The following UROS variants were observed in gnomAD, a reference collection of about 807,000 sequenced individuals.
UROS encodes the protein uroporphyrinogen III synthase, also known as uroporphyrinogen-III synthase.
In UROS, 18 loss-of-function variants were observed where a neutral mutation model predicts 33.0. That is an observed-to-expected ratio of 0.55 (90% confidence interval 0.38 to 0.81). UROS has a LOEUF of 0.81. Ranked by LOEUF, UROS falls within the 30% of genes least tolerant of loss-of-function variation. The pLI is 0.00. For missense variants in UROS, 293 were observed against 314.9 expected, an observed-to-expected ratio of 0.93 and a Z score of 0.53; for synonymous variants, 114 against 121.1, an observed-to-expected ratio of 0.94 and a Z score of 0.38.
At chr10:125,810,918 T>C (rs544490880) in intron 5 of UROS, among the ~76,000 whole-genome samples, 1 of 152,362 alleles carries the variant, frequency 6.6e-6, no homozygotes, top group African/African-American at 2.4e-5. Context: ...CCTTTGATAA[T>C]ATGTTCCCTG....
intron 7 of UROS, 40 bp from the exon 8 acceptor site, chr10:125,796,228 G>A (rs764074565): frequency 3.2e-6 from 5 of 1,582,642 alleles, no homozygotes; most frequent in Non-Finnish European, 4.3e-6. Flanking sequence ...TACCGCACTG[G>A]GCACACAATG....
In UROS at chr10:125,788,772, C is replaced by T. The variant is rs182303293; in HGVS notation, c.*96G>A. ...ACTCAGGCTTGAGGCAGGAGTCTGACGGCAGCAGCTCCCGAGAGCCCTTGC... is the reference window on the plus strand; with the variant it reads ...ACTCAGGCTTGAGGCAGGAGTCTGATGGCAGCAGCTCCCGAGAGCCCTTGC... On this transcript the variant is annotated 3_prime_UTR_variant, in exon 10 of 10. Coordinates refer to ENST00000368797, the MANE Select transcript of UROS (RefSeq NM_000375.3). The T allele has an allele frequency of 4.4e-4, 646 of 1,484,116 alleles. 6 individuals are homozygous for T. The East Asian group carries it at 9.7e-3, about 22-fold the overall frequency. 91.9% of individuals were successfully genotyped at this position (1,484,116 alleles called of 1,614,324 possible).
rs567460830 is a variant in UROS at position 125,794,416 on chromosome 10, T to G, written c.660+464A>C. On this transcript the variant is annotated intron_variant, in intron 9 of 9. Transcript: ENST00000368797. ...ATTACAGACACAAGAGTTGTGGTTA[T>G]TTGTAGACTCATAATAAATACAGTC... The G allele has an allele frequency of 5.9e-4, 577 of 973,650 alleles. 1 individual carries two copies. Among genetic ancestry groups the G allele is most frequent in the Non-Finnish European group, 7.0e-4 (565 of 808,106 alleles). 60.3% of individuals were successfully genotyped at this position (973,650 alleles called of 1,614,324 possible).
At chr10:125,814,442 T>C (rs1853116702) in intron 4 of UROS, among the ~76,000 whole-genome samples, 1 of 152,234 alleles carries the variant, frequency 6.6e-6, no homozygotes, top group Non-Finnish European at 1.5e-5. Context: ...CATAGCAATG[T>C]GTGCCTCTGG....
downstream of UROS, among the ~76,000 whole-genome samples, chr10:125,787,722 G>A (rs988596066): frequency 1.3e-5 from 2 of 152,168 alleles, no homozygotes; most frequent in African/African-American, 4.8e-5. Flanking sequence ...CTTGACACAA[G>A]TGGTCACTTC....
chr10:125,807,084 G>T (rs553363023), intron 6 of UROS: 13 of 354,760 alleles, frequency 3.7e-5, no homozygotes, highest in Non-Finnish European at 7.0e-5. Context: ...CTCAGTAAGG[G>T]GAGAGTACCC....
chr10:125,788,797 C>T lies in UROS; in HGVS notation c.*71G>A, dbSNP rs1421615536. ...CGGCAGCAGCTCCCGAGAGCCCTTG[C>T]CGATGCCTGGCTCCATCCAGAGCCA... On this transcript the variant is annotated 3_prime_UTR_variant, in exon 10 of 10. Coordinates refer to ENST00000368797, the MANE Select transcript of UROS (RefSeq NM_000375.3). 9 of 1,518,796 alleles carry T rather than the reference C, an allele frequency of 5.9e-6. No individual in the cohort carries two copies. In the African/African-American group the frequency reaches 1.2e-4, roughly 21 times the overall value. The allele number at this position is 1,518,796 out of a possible 1,614,324, so 94.1% of individuals were successfully genotyped here.
chr10:125,786,711 A>G (rs1008400925), downstream of UROS, among the ~76,000 whole-genome samples: 3 of 152,220 alleles, frequency 2.0e-5, no homozygotes, highest in Non-Finnish European at 2.9e-5. Flanking sequence ...GAGCCATAGA[A>G]TGATTAACAT....
chr10:125,802,252 G>A (rs944494319), intron 6 of UROS: 1 of 985,504 alleles, frequency 1.0e-6, no homozygotes, highest in African/African-American at 1.7e-5. Flanking sequence ...GACCTGAGGA[G>A]CGATCCCATG....
chr10:125,796,902 C>A (rs779656875), intron 7 of UROS: 1 of 980,280 alleles, frequency 1.0e-6, no homozygotes, highest in Non-Finnish European at 1.2e-6. Flanking sequence ...GAAATGATAA[C>A]TTCAGCATAA....
intron 7 of UROS, among the ~76,000 whole-genome samples, chr10:125,797,327 CT>C (rs987352485): frequency 6.6e-5 from 10 of 152,226 alleles, no homozygotes; most frequent in African/African-American, 2.4e-4. Flanking sequence ...CTGAACACCT[CT>C]ATGAGGCAGG....
chr10:125,796,943 G>A, intron 7 of UROS: 1 of 744,166 alleles, frequency 1.3e-6, no homozygotes, highest in Non-Finnish European at 1.6e-6. Flanking sequence ...TCATATCCCT[G>A]AAAACTAAAG....
At chr10:125,790,224 T>C (rs190542112) in intron 9 of UROS, among the ~76,000 whole-genome samples, 6 of 151,922 alleles carry the variant, frequency 3.9e-5, no homozygotes, top group African/African-American at 9.7e-5. Context: ...GGAAACTCCC[T>C]GAGGAAAAAA....
chr10:125,788,617 C>T lies in UROS; in HGVS notation c.*251G>A. On this transcript the variant is annotated 3_prime_UTR_variant, in exon 10 of 10. Coordinates refer to ENST00000368797, the MANE Select transcript of UROS (RefSeq NM_000375.3). ...TAGTCAGTGTGGTTTATTTGACTTC[C>T]TTCCTGCTGGGCACAGGAAGCTCTC... 2.1e-6 allele frequency: 3 copies of T among 1,401,948 alleles called. No individual in the cohort carries two copies. In the South Asian group the frequency reaches 5.1e-5, roughly 24 times the overall value. The allele number at this position is 1,401,948 out of a possible 1,614,324, so 86.8% of individuals were successfully genotyped here.
rs1850714019 is a variant in UROS at position 125,788,804 on chromosome 10, C to T, written c.*64G>A. On this transcript the variant is annotated 3_prime_UTR_variant, in exon 10 of 10. Transcript: ENST00000368797. ...AGCTCCCGAGAGCCCTTGCCGATGC[C>T]TGGCTCCATCCAGAGCCAGCCCAGC... 3.3e-6 allele frequency: 5 copies of T among 1,528,100 alleles called. No homozygotes were observed. Among genetic ancestry groups the T allele is most frequent in the African/African-American group, 1.4e-5 (1 of 72,618 alleles). The allele number at this position is 1,528,100 out of a possible 1,614,324, so 94.7% of individuals were successfully genotyped here.
At position 125,816,464 on chromosome 10, in the gene UROS, A is replaced by G. The variant is rs2133949545; in HGVS notation, c.36T>C (p.Asp12=). Residue 12 remains aspartate (D), a synonymous_variant, in exon 2 of 10, where the codon GAT becomes GAC. Transcript: ENST00000368797. ...KVLLLKDAKE[D]DCGQDPYIRE... ...TGATATACGGATCCTGGCCACAGTC[A>G]TCTTCCTTCGCATCCTTCAGTAAAA... The G allele has an allele frequency of 6.2e-7, 1 of 1,614,188 alleles. No individual in the cohort carries two copies. Among genetic ancestry groups the G allele is most frequent in the Non-Finnish European group, 8.5e-7 (1 of 1,180,030 alleles).
intron 6 of UROS, among the ~76,000 whole-genome samples, chr10:125,800,526 G>A (rs1180243535): frequency 2.0e-5 from 3 of 151,754 alleles, no homozygotes; most frequent in Admixed American, 2.0e-4. Flanking sequence ...CCTGCTTGGA[G>A]AATCCCTCTC....
intron 1 of UROS, among the ~76,000 whole-genome samples, chr10:125,821,508 G>C (rs188177043): frequency 2.0e-3 from 312 of 152,336 alleles, no homozygotes; most frequent in African/African-American, 7.2e-3. Flanking sequence ...TTTCAATTTT[G>C]CTAGATGAAA....
intron 6 of UROS, among the ~76,000 whole-genome samples, chr10:125,804,061 G>A (rs1589965709): frequency 6.6e-6 from 1 of 152,324 alleles, no homozygotes; most frequent in Non-Finnish European, 1.5e-5. Flanking sequence ...GGTGAGAGGA[G>A]CATCTTTTGT....
Sources: allele counts gnomAD v4.1 joint callset (sites outside exome capture counted in the v4.1 genomes callset), GRCh38; gene constraint gnomAD v4.1.1; transcripts MANE v1.5; gene names NCBI Gene and HGNC (gene_info 2026-07-23, HGNC 2026-07-21).